The following CNTN4 variants were observed in gnomAD, a reference collection of about 807,000 sequenced individuals.
The protein encoded by CNTN4 is contactin 4.
CNTN4 carries 77 observed loss-of-function variants against 122.5 expected under a neutral mutation model. That is an observed-to-expected ratio of 0.63 (90% CI 0.52 to 0.76). CNTN4 has a LOEUF of 0.76. CNTN4 is among the 30% of genes least tolerant of loss of function. CNTN4 has a pLI of 0.00. For missense variants in CNTN4, 1,256 were observed against 1,259.1 expected, an observed-to-expected ratio of 1.00 and a Z score of 0.04; for synonymous variants, 512 against 447.0, an observed-to-expected ratio of 1.15 and a Z score of -1.83.
At chr3:2,423,313 C>T (rs559117088) in intron 3 of CNTN4, among the ~76,000 whole-genome samples, 15 of 152,174 alleles carry the variant, frequency 9.9e-5, no homozygotes, top group Admixed American at 3.9e-4. Context: ...TGGGATCACA[C>T]GCTCCATTTA....
intron 12 of CNTN4, among the ~76,000 whole-genome samples, chr3:2,918,121 T>C (rs1180911139): frequency 1.3e-5 from 2 of 152,210 alleles, no homozygotes; most frequent in Non-Finnish European, 2.9e-5. Flanking sequence ...AAACTGTTTC[T>C]GGTGCTTTAT....
chr3:3,014,879 G>GT (rs5846238), intron 14 of CNTN4, among the ~76,000 whole-genome samples: 37,413 of 121,460 alleles, frequency 0.31, 6,213 homozygotes, highest in Non-Finnish European at 0.37. Context: ...CCCTCGATTG[G>GT]TTTTTTTTTT....
chr3:2,125,125 T>G lies in CNTN4; in HGVS notation c.-145+24486T>G, dbSNP rs2034059592. 2.6e-5 allele frequency among the ~76,000 whole-genome samples: 4 copies of G among 152,178 alleles called. No homozygotes were observed. In the South Asian group the frequency reaches 8.3e-4, roughly 32 times the overall value. On this transcript the variant is annotated intron_variant, in intron 2 of 24. Coordinates refer to ENST00000418658, the MANE Select transcript of CNTN4 (RefSeq NM_175607.3). The stretch of plus-strand genomic sequence containing the variant: ...TGAACAATAACTCTCCATTTTTCCT[T>G]CCTCTACAGGCTCTGGAAGCCACCA...
intron 4 of CNTN4, among the ~76,000 whole-genome samples, chr3:2,669,315 C>T (rs1576400858): frequency 6.6e-6 from 1 of 152,116 alleles, no homozygotes; most frequent in South Asian, 2.1e-4. Context: ...CTGGTTTAGT[C>T]TTGGGAGGGT....
At chr3:2,982,440 G>A (rs947794742) in intron 13 of CNTN4, among the ~76,000 whole-genome samples, 1 of 152,140 alleles carries the variant, frequency 6.6e-6, no homozygotes, top group Admixed American at 6.5e-5. Flanking sequence ...CTTCCACCGT[G>A]GACAGAAATG....
At chr3:2,634,917 TA>T (rs11370647) in intron 4 of CNTN4, among the ~76,000 whole-genome samples, 1 of 151,582 alleles carries the variant, frequency 6.6e-6, no homozygotes, top group Admixed American at 6.6e-5. Context: ...ACTTGAAATC[TA>T]AAAAAAAGAA....
intron 2 of CNTN4, among the ~76,000 whole-genome samples, chr3:2,275,625 A>G (rs1419060889): frequency 6.6e-6 from 1 of 152,034 alleles, no homozygotes; most frequent in Admixed American, 6.6e-5. Context: ...TTTTCTCATC[A>G]AAAAATTAAA....
intron 8 of CNTN4, among the ~76,000 whole-genome samples, chr3:2,878,280 A>T (rs2093868234): frequency 6.6e-6 from 1 of 152,214 alleles, no homozygotes; most frequent in Non-Finnish European, 1.5e-5. Context: ...GTAAAGAATG[A>T]TCTTAAGTGA....
intron 7 of CNTN4, among the ~76,000 whole-genome samples, chr3:2,838,663 G>A (rs2093285227): frequency 6.6e-6 from 1 of 151,934 alleles, no homozygotes; most frequent in Non-Finnish European, 1.5e-5. Flanking sequence ...TCACCCAGGA[G>A]CCCCAGCTCT....
chr3:2,484,193 A>T (rs2076082369), intron 3 of CNTN4, among the ~76,000 whole-genome samples: 1 of 152,234 alleles, frequency 6.6e-6, no homozygotes, highest in Non-Finnish European at 1.5e-5. Context: ...GCAAATAATT[A>T]TATGAAAAGA....
chr3:2,971,334 ATCTGTCTG>A (rs576840909), intron 13 of CNTN4, among the ~76,000 whole-genome samples: 1,824 of 139,422 alleles, frequency 0.013, 41 homozygotes, highest in African/African-American at 0.055. Context: ...CTATATCTAT[ATCTGTCTG>A]TCTGTCTGTC....
At chr3:2,206,315 T>C (rs144386811) in intron 2 of CNTN4, among the ~76,000 whole-genome samples, 1 of 152,204 alleles carries the variant, frequency 6.6e-6, no homozygotes, top group Non-Finnish European at 1.5e-5. Context: ...TACAAAGGCT[T>C]CTGTATCTAG....
intron 6 of CNTN4, among the ~76,000 whole-genome samples, chr3:2,781,865 C>T (rs1430667765): frequency 6.7e-5 from 6 of 89,508 alleles, no homozygotes; most frequent in East Asian, 4.3e-4. Context: ...GCTGGGACTG[C>T]AGGCGCCCGC....
At chr3:2,749,830 A>G (rs963678215) in intron 6 of CNTN4, among the ~76,000 whole-genome samples, 1 of 152,342 alleles carries the variant, frequency 6.6e-6, no homozygotes, top group East Asian at 1.9e-4. Flanking sequence ...GCCTATATTC[A>G]GAATTCACTT....
At chr3:2,155,605 A>G (rs1382124998) in intron 2 of CNTN4, among the ~76,000 whole-genome samples, 1 of 152,210 alleles carries the variant, frequency 6.6e-6, no homozygotes, top group Non-Finnish European at 1.5e-5. Flanking sequence ...GCCAGTGGGC[A>G]CTGAATCCTA....
In CNTN4 at chr3:2,414,593, CAAAT is replaced by C. The variant is rs1159904117; in HGVS notation, c.-89+75361_-89+75364del. Among the ~76,000 whole-genome samples, 29 of 152,010 alleles carry C rather than the reference CAAAT, an allele frequency of 1.9e-4. No individual in the cohort carries two copies. The East Asian group carries it at 5.4e-3, about 28-fold the overall frequency. Reference sequence around the variant, plus strand: ...TTGATATTATTTATATTATCAGAAACAAATGAATATGATCATAGTAGATTATAAA... The same window carrying C: ...TTGATATTATTTATATTATCAGAAACGAATATGATCATAGTAGATTATAAA... On this transcript the variant is annotated intron_variant, in intron 3 of 24. Coordinates refer to ENST00000418658, the MANE Select transcript of CNTN4 (RefSeq NM_175607.3).
chr3:2,551,800 A>T (rs1385424917), intron 3 of CNTN4, among the ~76,000 whole-genome samples: 1 of 152,126 alleles, frequency 6.6e-6, no homozygotes, highest in African/African-American at 2.4e-5. Context: ...TGGATTGTGT[A>T]TTTAACAGGA....
intron 3 of CNTN4, among the ~76,000 whole-genome samples, chr3:2,458,496 A>G (rs2049081831): frequency 6.6e-6 from 1 of 152,186 alleles, no homozygotes. Context: ...CATTAAGTTT[A>G]AAGATATTAA....
chr3:2,468,111 G>C (rs1452427085), intron 3 of CNTN4, among the ~76,000 whole-genome samples: 1 of 152,092 alleles, frequency 6.6e-6, no homozygotes, highest in Non-Finnish European at 1.5e-5. Flanking sequence ...AGCACAAAGA[G>C]TCCTATTCAT....
Sources: allele counts gnomAD v4.1 joint callset (sites outside exome capture counted in the v4.1 genomes callset), GRCh38; gene constraint gnomAD v4.1.1; transcripts MANE v1.5; gene names NCBI Gene and HGNC (gene_info 2026-07-23, HGNC 2026-07-21).